The following SLIT3 variants were observed in gnomAD, a reference collection of about 807,000 sequenced individuals.
SLIT3 encodes slit homolog 3 protein.
SLIT3 carries 68 observed loss-of-function variants against 184.0 expected under a neutral mutation model. That is an observed-to-expected ratio of 0.37 (90% CI 0.30 to 0.45). SLIT3 has a LOEUF of 0.45. Ranked by LOEUF, SLIT3 falls within the 20% of genes least tolerant of loss-of-function variation. SLIT3 has a pLI of 1.00. For missense variants in SLIT3, 1,707 were observed against 2,026.0 expected (o/e 0.84, Z 3.02); for synonymous variants, 831 against 828.6 (o/e 1.00, Z -0.05).
intron 4 of SLIT3, among the ~76,000 whole-genome samples, chr5:169,147,033 T>A (rs1295303669): frequency 6.6e-6 from 1 of 152,222 alleles, no homozygotes; most frequent in African/African-American, 2.4e-5. Context: ...GCTTGCTAAA[T>A]GTCAATTGTT....
At chr5:169,060,205 C>A (rs1370886516) in intron 4 of SLIT3, among the ~76,000 whole-genome samples, 4 of 152,212 alleles carry the variant, frequency 2.6e-5, no homozygotes, top group African/African-American at 9.6e-5. Flanking sequence ...GCTTGGTCAA[C>A]ACGGTGAAAC....
chr5:168,805,317 G>A (rs944371329), intron 9 of SLIT3, among the ~76,000 whole-genome samples: 1 of 152,130 alleles, frequency 6.6e-6, no homozygotes, highest in African/African-American at 2.4e-5. Context: ...GGAAGGGGAG[G>A]AGGGGGAAGA....
At chr5:168,901,822 T>C (rs1046175869) in intron 4 of SLIT3, among the ~76,000 whole-genome samples, 34 of 152,196 alleles carry the variant, frequency 2.2e-4, no homozygotes, top group Admixed American at 2.2e-3. Context: ...ACTAGGCAGG[T>C]GCCCTCTCTC....
At chr5:169,183,453 C>T (rs1420049428) in intron 4 of SLIT3, among the ~76,000 whole-genome samples, 2 of 152,152 alleles carry the variant, frequency 1.3e-5, no homozygotes, top group Non-Finnish European at 2.9e-5. Flanking sequence ...CCCTACATGC[C>T]TCCTTTCTTG....
chr5:169,100,037 T>C (rs1041319000), intron 4 of SLIT3, among the ~76,000 whole-genome samples: 3 of 152,148 alleles, frequency 2.0e-5, no homozygotes, highest in Non-Finnish European at 4.4e-5. Flanking sequence ...CTTGTTCTGC[T>C]TCACGTACAC....
At chr5:169,114,585 C>G (rs536714990) in intron 4 of SLIT3, among the ~76,000 whole-genome samples, 2 of 152,316 alleles carry the variant, frequency 1.3e-5, no homozygotes, top group South Asian at 4.2e-4. Context: ...CACCATAGGG[C>G]CAGGGTGTCC....
chr5:168,862,728 G>A (rs958578897), intron 5 of SLIT3, among the ~76,000 whole-genome samples: 28 of 151,770 alleles, frequency 1.8e-4, no homozygotes, highest in Middle Eastern at 3.2e-3. Context: ...AGGCTGGAGT[G>A]CAATGGCACA....
intron 16 of SLIT3, among the ~76,000 whole-genome samples, chr5:168,757,884 G>C (rs1755006168): frequency 6.6e-6 from 1 of 152,150 alleles, no homozygotes; most frequent in Non-Finnish European, 1.5e-5. Context: ...TAACTTATAA[G>C]GAAGGTGGAT....
intron 21 of SLIT3, among the ~76,000 whole-genome samples, 196 bp from the exon 22 acceptor site, chr5:168,723,200 C>T (rs959277458): frequency 3.9e-5 from 6 of 152,050 alleles, no homozygotes; most frequent in South Asian, 2.1e-4. Context: ...CTCACCCATC[C>T]GCTTTCCCAT....
chr5:169,020,612 G>A (rs1233784938), intron 4 of SLIT3, among the ~76,000 whole-genome samples: 1 of 152,184 alleles, frequency 6.6e-6, no homozygotes, highest in Non-Finnish European at 1.5e-5. Context: ...ATTTGTTACA[G>A]CAGCTGAATT....
At chr5:168,942,523 G>GGGTAGACAGAATCATTAGTCTACAGCATT in intron 4 of SLIT3, among the ~76,000 whole-genome samples, 1 of 152,064 alleles carries the variant, frequency 6.6e-6, no homozygotes, top group Non-Finnish European at 1.5e-5. Context: ...TGGGGAAGAG[G>GGGTAGACAGAATCATTAGTCTACAGCATT]GGTAGACAGA....
intron 4 of SLIT3, among the ~76,000 whole-genome samples, chr5:169,074,170 A>C (rs995400179): frequency 1.3e-5 from 2 of 151,990 alleles, no homozygotes; most frequent in East Asian, 3.9e-4. Flanking sequence ...GTACCCTATA[A>C]TCTCTGGAGC....
rs1265876570 is a variant in SLIT3 at position 168,799,270 on chromosome 5, A to G, written c.936-3692T>C. 3.3e-5 allele frequency among the ~76,000 whole-genome samples: 5 copies of G among 152,244 alleles called. No individual in the cohort carries two copies. In the East Asian group the frequency reaches 9.6e-4, roughly 29 times the overall value. ...GGAAAGGACAAAAAGAAGCATTTGCATCAGCAAAAACTGTCACATTTAGGG... is the reference window on the plus strand; with the variant it reads ...GGAAAGGACAAAAAGAAGCATTTGCGTCAGCAAAAACTGTCACATTTAGGG... On this transcript the variant is annotated intron_variant, in intron 9 of 35. Coordinates refer to ENST00000519560, the MANE Select transcript of SLIT3 (RefSeq NM_003062.4).
At chr5:168,763,397 A>G (rs1021002350) in intron 14 of SLIT3, among the ~76,000 whole-genome samples, 1 of 152,158 alleles carries the variant, frequency 6.6e-6, no homozygotes, top group Non-Finnish European at 1.5e-5. Flanking sequence ...AAGAGAATCC[A>G]TATAAACAAT....
intron 4 of SLIT3, among the ~76,000 whole-genome samples, chr5:168,909,951 C>T (rs1761200352): frequency 6.6e-6 from 1 of 152,216 alleles, no homozygotes; most frequent in Non-Finnish European, 1.5e-5. Flanking sequence ...TTCCTTTTTG[C>T]ACAACCTGCT....
At chr5:169,198,953 T>TACAC (rs58669966) in intron 3 of SLIT3, among the ~76,000 whole-genome samples, 6,570 of 142,080 alleles carry the variant, frequency 0.046, 332 homozygotes, top group African/African-American at 0.13. Flanking sequence ...AAACAAACTA[T>TACAC]ACACACACAC....
At chr5:169,024,105 A>G (rs749478615) in intron 4 of SLIT3, 1 of 152,252 alleles carries the variant, frequency 6.6e-6, no homozygotes, top group Admixed American at 6.5e-5. Flanking sequence ...GGTGAAGAAC[A>G]TGCCAGTCAC....
At chr5:168,892,620 C>G (rs1289371616) in intron 4 of SLIT3, among the ~76,000 whole-genome samples, 1 of 152,226 alleles carries the variant, frequency 6.6e-6, no homozygotes, top group East Asian at 1.9e-4. Context: ...CTCCTGTGAA[C>G]AGATACCTCT....
At chr5:168,691,949 G>A (rs1293481899) in intron 29 of SLIT3, among the ~76,000 whole-genome samples, 3 of 152,206 alleles carry the variant, frequency 2.0e-5, no homozygotes, top group Non-Finnish European at 2.9e-5. Flanking sequence ...GGATTTCCCA[G>A]GAGTGCCATT....
Sources: gnomAD v4.1 joint callset for allele counts (sites outside exome capture counted in the v4.1 genomes callset) on GRCh38, gnomAD v4.1.1 for gene constraint, MANE v1.5 for transcripts, NCBI Gene and HGNC (gene_info 2026-07-23, HGNC 2026-07-21) for gene names.